Variants in GRAMD1B observed in about 807,000 individuals in gnomAD.
The protein encoded by GRAMD1B is protein Aster-B.
A neutral mutation model predicts 99.7 loss-of-function variants in GRAMD1B; 37 were observed. The observed-to-expected ratio is 0.37, with a 90% CI of 0.29 to 0.49. The LOEUF (loss-of-function observed/expected upper bound fraction) is 0.49. Among genes scored for constraint, GRAMD1B ranks in the 20% least tolerant of loss-of-function variants. The pLI, the probability that GRAMD1B is intolerant of heterozygous loss-of-function variation, is 0.98. For synonymous variants in GRAMD1B, 427 were observed against 387.6 expected (o/e 1.10, Z -1.19); for missense variants, 888 against 1,009.2 (o/e 0.88, Z 1.63).
At position 123,460,068 on chromosome 11, in the gene GRAMD1B, ACG is replaced by A. The variant is rs764825686; in HGVS notation, c.375-20747_375-20746del. ...ATAGGCCAGGAGTGTGATTGGACAT[ACG>A]TGTGTGTGTGTTTCATTAAAATTCT... On this transcript the variant is annotated intron_variant, in intron 1 of 19. Transcript: ENST00000635736. The A allele has an allele frequency of 6.6e-5, 10 of 150,958 alleles. No individual in the cohort carries two copies. The South Asian group carries it at 1.3e-3, about 19-fold the overall frequency. The allele number at this position is 150,958 out of a possible 1,614,324, so 9.4% of individuals were successfully genotyped here.
intron 2 of GRAMD1B, among the ~76,000 whole-genome samples, chr11:123,542,606 G>A (rs1318171522): frequency 6.6e-6 from 1 of 152,162 alleles, no homozygotes; most frequent in Non-Finnish European, 1.5e-5. Context: ...TGTGGAATGA[G>A]GTCATTCTAT....
In GRAMD1B at chr11:123,603,527, C is replaced by T. The variant is rs374293269; in HGVS notation, c.1152C>T (p.Asp384=). The T allele has an allele frequency of 6.2e-7, 1 of 1,609,722 alleles. No individual in the cohort carries two copies. Among genetic ancestry groups the T allele is most frequent in the Non-Finnish European group, 8.5e-7 (1 of 1,176,070 alleles). ...AGGACTACGTGCCCCCTGACGACGA[C>T]TTCAACACAATGGGGTGAGTGAGGC... The part of the protein sequence containing the change: ...DDEDYVPPDD[D]FNTMGYCEEI... The change falls in exon 9 of 20, where the codon GAC becomes GAT. Residue 384 remains aspartate, a synonymous_variant. Coordinates refer to ENST00000635736, the MANE Select transcript of GRAMD1B (RefSeq NM_001387025.1).
At chr11:123,597,129 CT>C (rs35382306) in intron 7 of GRAMD1B, among the ~76,000 whole-genome samples, 14,675 of 137,020 alleles carry the variant, frequency 0.11, 843 homozygotes, top group East Asian at 0.23. Flanking sequence ...AGTCCAACTC[CT>C]TTTTTTTTTT....
In GRAMD1B at chr11:123,492,216, T is replaced by A. The variant is rs1227105521; in HGVS notation, c.452+11323T>A. On this transcript the variant is annotated intron_variant, in intron 2 of 19. Coordinates refer to ENST00000635736, the MANE Select transcript of GRAMD1B (RefSeq NM_001387025.1). The surrounding 1 kb of genome is among the most constrained non-coding windows in gnomAD (Gnocchi z 4.2). ...GGCCAGGGACCATTACTTTTCTCCT[T>A]TATGATAAGTTGCTCCAGTCCATAA... Among the ~76,000 whole-genome samples, 1 of 152,148 alleles carries A rather than the reference T, an allele frequency of 6.6e-6. No homozygotes were observed. The highest frequency in any genetic ancestry group is 2.4e-5 in the African/African-American group (1 of 41,428).
intron 2 of GRAMD1B, among the ~76,000 whole-genome samples, chr11:123,548,355 T>C (rs1167657539): frequency 0.049 from 5,452 of 110,290 alleles, 228 homozygotes; most frequent in African/African-American, 0.14. Flanking sequence ...CACACATATA[T>C]ATATATATGT....
At chr11:123,501,522 C>T (rs543130353) in intron 2 of GRAMD1B, among the ~76,000 whole-genome samples, 16 of 152,264 alleles carry the variant, frequency 1.1e-4, no homozygotes, top group African/African-American at 3.8e-4. Flanking sequence ...AGCAAAGAAA[C>T]ATGATTATCA....
At chr11:123,432,520 C>T (rs1359637840) in intron 1 of GRAMD1B, among the ~76,000 whole-genome samples, 1 of 148,240 alleles carries the variant, frequency 6.7e-6, no homozygotes, top group Non-Finnish European at 1.5e-5. Context: ...TGTGCCACTG[C>T]ACTCCAGCCT....
chr11:123,522,909 G>A (rs1942335385), intron 2 of GRAMD1B, among the ~76,000 whole-genome samples: 2 of 152,224 alleles, frequency 1.3e-5, no homozygotes, highest in Non-Finnish European at 2.9e-5. Flanking sequence ...AAACCAGTTT[G>A]TCTGATAGAG....
chr11:123,606,785 C>A lies in GRAMD1B; in HGVS notation c.1500C>A (p.Asp500Glu). 6.2e-7 allele frequency: 1 copy of A among 1,613,646 alleles called. No homozygotes were observed. The highest frequency in any genetic ancestry group is 8.5e-7 in the Non-Finnish European group (1 of 1,179,696). The change falls in exon 11 of 20, where the codon GAC becomes GAA. Residue 500 changes from aspartate to glutamate, a missense_variant. Coordinates refer to ENST00000635736, the MANE Select transcript of GRAMD1B (RefSeq NM_001387025.1). ...CCACTGAGCTCAGTGACTCTTCCGA[C>A]ACACACGATGAAGGTGGGCATTTGA... ...DIPTELSDSS[D>E]THDEGEVQAF... is the part of the protein sequence containing the mutation.
At chr11:123,539,760 C>T (rs1202500239) in intron 2 of GRAMD1B, among the ~76,000 whole-genome samples, 1 of 152,194 alleles carries the variant, frequency 6.6e-6, no homozygotes, top group Non-Finnish European at 1.5e-5. Flanking sequence ...CAGCTACCGA[C>T]ACCCTCATCC....
At chr11:123,493,535 G>C (rs1591702912) in intron 2 of GRAMD1B, among the ~76,000 whole-genome samples, 1 of 152,212 alleles carries the variant, frequency 6.6e-6, no homozygotes, top group South Asian at 2.1e-4. Context: ...TCACTGTCCT[G>C]GTGAGAGACA....
chr11:123,446,816 T>A (rs1949665912), intron 1 of GRAMD1B, among the ~76,000 whole-genome samples: 1 of 151,838 alleles, frequency 6.6e-6, no homozygotes, highest in African/African-American at 2.4e-5. Flanking sequence ...GTGCGTGTAG[T>A]CCCAGCTACT....
At chr11:123,361,237 A>G (rs2135675060) in intron 1 of GRAMD1B, among the ~76,000 whole-genome samples, 1 of 152,212 alleles carries the variant, frequency 6.6e-6, no homozygotes, top group Middle Eastern at 3.4e-3. Flanking sequence ...CCCTCTCAAT[A>G]CACACATCTG....
At chr11:123,478,960 A>G (rs1426918184) in intron 1 of GRAMD1B, among the ~76,000 whole-genome samples, 1 of 152,238 alleles carries the variant, frequency 6.6e-6, no homozygotes, top group Non-Finnish European at 1.5e-5. Context: ...TGCTTGATTC[A>G]TATAACAGGC....
upstream of GRAMD1B, among the ~76,000 whole-genome samples, chr11:123,426,361 C>T (rs999256124): frequency 2.0e-5 from 3 of 152,180 alleles, no homozygotes; most frequent in African/African-American, 4.8e-5. Context: ...ATCATCTATC[C>T]CAAATCCCCC....
chr11:123,401,514 C>A (rs1230186883), intron 1 of GRAMD1B, among the ~76,000 whole-genome samples: 2 of 152,320 alleles, frequency 1.3e-5, no homozygotes, highest in Non-Finnish European at 2.9e-5. Flanking sequence ...CACAAAATGG[C>A]CCCAGTGACT....
At chr11:123,373,857 A>G (rs866257397) in intron 1 of GRAMD1B, among the ~76,000 whole-genome samples, 2 of 152,206 alleles carry the variant, frequency 1.3e-5, no homozygotes, top group Non-Finnish European at 2.9e-5. Flanking sequence ...GTTTAGCTAT[A>G]CAGCATGTGT....
chr11:123,393,273 G>A (rs1181786426), intron 1 of GRAMD1B, among the ~76,000 whole-genome samples: 2 of 152,152 alleles, frequency 1.3e-5, no homozygotes, highest in Non-Finnish European at 2.9e-5. Flanking sequence ...CTTTCCCTGT[G>A]CAATTTATCT....
chr11:123,431,890 A>G, intron 1 of GRAMD1B: 1 of 393,730 alleles, frequency 2.5e-6, no homozygotes. Flanking sequence ...GCAGCTCTAC[A>G]CAGCCCTGGT....
Sources: allele counts gnomAD v4.1 joint callset (sites outside exome capture counted in the v4.1 genomes callset), GRCh38; gene constraint gnomAD v4.1.1; non-coding constraint Gnocchi (gnomAD v3.1); transcripts MANE v1.5; gene names NCBI Gene and HGNC (gene_info 2026-07-23, HGNC 2026-07-21).